Variants in SLBP observed in about 807,000 individuals in gnomAD.
The protein encoded by SLBP is stem-loop histone mRNA binding protein, also known as histone RNA hairpin-binding protein.
SLBP carries 29 observed loss-of-function variants against 39.2 expected under a neutral mutation model. That is an observed-to-expected ratio of 0.74 (90% confidence interval 0.55 to 1.01). The LOEUF is 1.01. SLBP is among the 50% of genes least tolerant of loss of function. SLBP has a pLI of 0.00. For synonymous variants in SLBP, 129 were observed against 118.7 expected, an observed-to-expected ratio of 1.09 and a Z score of -0.57; for missense variants, 390 against 350.2, an observed-to-expected ratio of 1.11 and a Z score of -0.91.
rs1385513425 is a variant in SLBP, at chr4:1,694,838, T to C, written c.632A>G (p.His211Arg). 2 of 1,612,010 alleles carry C rather than the reference T, an allele frequency of 1.2e-6. No homozygotes were observed. The highest frequency in any genetic ancestry group is 1.7e-6 in the Non-Finnish European group (2 of 1,178,198). ...AEEGCDLQEI[H>R]PVDLESAESS... ...TTCTGCAGATTCAAGGTCTACAGGGTGTCTGTTAAACAAGATCCAACATGT... is the reference window on the plus strand; with the variant it reads ...TTCTGCAGATTCAAGGTCTACAGGGCGTCTGTTAAACAAGATCCAACATGT... The change falls in exon 7 of 8, where the codon CAC (histidine) becomes CGC (arginine). Residue 211 changes from histidine (H) to arginine (R), a missense_variant and splice_region_variant. Coordinates refer to ENST00000489418, the MANE Select transcript of SLBP (RefSeq NM_006527.4).
At position 1,699,617 on chromosome 4, in the gene SLBP, G is replaced by C. The variant is rs760057143; in HGVS notation, c.426C>G (p.Ile142Met). The change falls in exon 5 of 8, where the codon ATC (isoleucine) becomes ATG (methionine). Residue 142 changes from isoleucine to methionine, a missense_variant. By Grantham distance (10) the Ile-to-Met change is conservative. Coordinates refer to ENST00000489418, the MANE Select transcript of SLBP (RefSeq NM_006527.4). ...ESVLMRRQKQ[I>M]NYGKNTIAYD... ...AGGCAATTGTGTTCTTCCCATAGTTGATCTGCTTCTGTCTCCTCATTAGGA... is the reference window on the plus strand; with the variant it reads ...AGGCAATTGTGTTCTTCCCATAGTTCATCTGCTTCTGTCTCCTCATTAGGA... 3.1e-6 allele frequency: 5 copies of C among 1,613,612 alleles called. No individual in the cohort carries two copies. Among genetic ancestry groups the C allele is most frequent in the Non-Finnish European group, 4.2e-6 (5 of 1,179,540 alleles).
Position 1,699,604 on chromosome 4 carries a change from T to A in SLBP, c.439A>T (p.Asn147Tyr). 1 of 1,613,958 alleles carries A rather than the reference T, an allele frequency of 6.2e-7. No individual in the cohort carries two copies. The highest frequency in any genetic ancestry group is 2.2e-5 in the East Asian group (1 of 44,878). ...ATATAACGATCGTAGGCAATTGTGTTCTTCCCATAGTTGATCTGCTTCTGT... is the reference window on the plus strand; with the variant it reads ...ATATAACGATCGTAGGCAATTGTGTACTTCCCATAGTTGATCTGCTTCTGT... ...RRQKQINYGK[N>Y]TIAYDRYIKE... Residue 147 changes from asparagine (N) to tyrosine (Y), a missense_variant, in exon 5 of 8, where the codon AAC becomes TAC. Physicochemically the swap from Asn to Tyr is moderately radical, Grantham distance 143. Coordinates refer to ENST00000489418, the MANE Select transcript of SLBP (RefSeq NM_006527.4).
chr4:1,703,704 CAA>C lies in SLBP; in HGVS notation c.177-6_177-5del. ...AGGGCCTTCAGGAGTGGTAAAGCTG[CAA>C]TAAAAGGAAAATGCTACTGAACCAT... On this transcript the variant is annotated splice_polypyrimidine_tract_variant and splice_region_variant and intron_variant, in intron 2 of 7. Coordinates refer to ENST00000489418, the MANE Select transcript of SLBP (RefSeq NM_006527.4). The C allele has an allele frequency of 1.3e-6, 2 of 1,589,662 alleles. No individual in the cohort carries two copies. The highest frequency in any genetic ancestry group is 1.7e-6 in the Non-Finnish European group (2 of 1,157,852).
intron 5 of SLBP, among the ~76,000 whole-genome samples, chr4:1,698,568 T>C (rs1176310997): frequency 2.1e-5 from 3 of 145,940 alleles, no homozygotes; most frequent in Non-Finnish European, 4.5e-5. Context: ...CACTGCAACC[T>C]CCTCCTCCCA....
At chr4:1,705,984 C>CA (rs1162470389) in intron 2 of SLBP, among the ~76,000 whole-genome samples, 1 of 152,024 alleles carries the variant, frequency 6.6e-6, no homozygotes, top group African/African-American at 2.4e-5. Context: ...GACCATATCT[C>CA]AAAAAAATAT....
At chr4:1,701,146 CTTTT>C (rs369039404) in intron 3 of SLBP, among the ~76,000 whole-genome samples, 5 of 123,670 alleles carry the variant, frequency 4.0e-5, no homozygotes, top group South Asian at 2.6e-4. Context: ...TCTTTTTTTT[CTTTT>C]TTTTTTTTTT....
intron 2 of SLBP, among the ~76,000 whole-genome samples, chr4:1,708,127 C>T (rs987309462): frequency 6.6e-6 from 1 of 150,608 alleles, no homozygotes; most frequent in Non-Finnish European, 1.5e-5. Context: ...GTGGCGCATG[C>T]CTGTAGTCCC....
At chr4:1,697,287 G>A (rs1716146217) in intron 5 of SLBP, among the ~76,000 whole-genome samples, 1 of 150,554 alleles carries the variant, frequency 6.6e-6, no homozygotes, top group Non-Finnish European at 1.5e-5. Context: ...GGCCAACAGG[G>A]TGAAACCCTG....
chr4:1,693,089 A>G lies in SLBP; in HGVS notation c.*508T>C, dbSNP rs698424. ...TAAAACTCATTAGTTTAATAGCTCAATTTAACAATGTCTGACTTCAGAATG... is the reference window on the plus strand; with the variant it reads ...TAAAACTCATTAGTTTAATAGCTCAGTTTAACAATGTCTGACTTCAGAATG... On this transcript the variant is annotated 3_prime_UTR_variant, in exon 8 of 8. Transcript: ENST00000489418. The G allele has an allele frequency of 0.021, 3,354 of 156,220 alleles. 57 individuals are homozygous for G. Among genetic ancestry groups the G allele is most frequent in the South Asian group, 0.067 (350 of 5,248 alleles). 9.7% of individuals were successfully genotyped at this position (156,220 alleles called of 1,614,324 possible).
At chr4:1,705,755 T>C (rs1716493149) in intron 2 of SLBP, among the ~76,000 whole-genome samples, 1 of 152,230 alleles carries the variant, frequency 6.6e-6, no homozygotes, top group African/African-American at 2.4e-5. Flanking sequence ...GTCTTTTTCA[T>C]GTGTGCTAAT....
chr4:1,699,629 T>G lies in SLBP; in HGVS notation c.414A>C (p.Arg138Ser). 6.2e-7 allele frequency: 1 copy of G among 1,613,554 alleles called. No individual in the cohort carries two copies. The highest frequency in any genetic ancestry group is 8.5e-7 in the Non-Finnish European group (1 of 1,179,468). Residue 138 changes from arginine (R) to serine (S), a missense_variant, in exon 5 of 8, where the codon AGA (arginine) becomes AGC (serine). Coordinates refer to ENST00000489418, the MANE Select transcript of SLBP (RefSeq NM_006527.4). ...FETDESVLMR[R>S]QKQINYGKNT... ...TCTTCCCATAGTTGATCTGCTTCTG[T>G]CTCCTCATTAGGACACTTTCATCTG... is the stretch of plus-strand genomic sequence containing the variant.
At chr4:1,698,132 C>T (rs1243085894) in intron 5 of SLBP, among the ~76,000 whole-genome samples, 1 of 151,654 alleles carries the variant, frequency 6.6e-6, no homozygotes, top group African/African-American at 2.4e-5. Flanking sequence ...GAGGCAGAGA[C>T]AGACGGATCA....
chr4:1,706,398 C>T (rs1456561207), intron 2 of SLBP, among the ~76,000 whole-genome samples: 1 of 152,194 alleles, frequency 6.6e-6, no homozygotes, highest in Non-Finnish European at 1.5e-5. Context: ...GAGTATATGT[C>T]AGAGTCCTTG....
chr4:1,697,963 T>C (rs1716177223), intron 5 of SLBP, among the ~76,000 whole-genome samples: 1 of 151,720 alleles, frequency 6.6e-6, no homozygotes, highest in Non-Finnish European at 1.5e-5. Context: ...CCCATCTCTA[T>C]AAAAATTTAA....
At chr4:1,694,385 T>C (rs1255522010) in intron 7 of SLBP, among the ~76,000 whole-genome samples, 1 of 135,224 alleles carries the variant, frequency 7.4e-6, no homozygotes. Context: ...GCGCAGCACA[T>C]GGTTTTCTTT....
Position 1,696,210 on chromosome 4 carries a change from C to A in SLBP, c.621G>T (p.Leu207Phe), listed in dbSNP as rs747321409. 2.5e-6 allele frequency: 4 copies of A among 1,588,826 alleles called. No individual in the cohort carries two copies. The highest frequency in any genetic ancestry group is 3.4e-6 in the Non-Finnish European group (4 of 1,170,504). Residue 207 changes from leucine (L) to phenylalanine (F), a missense_variant, in exon 6 of 8, where the codon TTG becomes TTT. Leu to Phe is a conservative substitution (Grantham distance 22). Coordinates refer to ENST00000489418, the MANE Select transcript of SLBP (RefSeq NM_006527.4). ...WDPPAEEGCDLQEIHPVDLES... is the reference protein window; with the variant it reads ...WDPPAEEGCDFQEIHPVDLES... ...ATGCAATAAAGACATACATTTCTTG[C>A]AAATCACATCCTTCTTCCGCTGGAG...
Position 1,699,718 on chromosome 4 carries a change from T to G in SLBP, c.342-17A>C. 1 of 1,611,954 alleles carries G rather than the reference T, an allele frequency of 6.2e-7. No homozygotes were observed. The highest frequency in any genetic ancestry group is 8.5e-7 in the Non-Finnish European group (1 of 1,178,714). ...GAATCAGAACTGAAAAAACAACAGA[T>G]TAACAGAATAAGCCCTGCAATTAAG... On this transcript the variant is annotated splice_polypyrimidine_tract_variant and intron_variant, in intron 4 of 7. Transcript: ENST00000489418.
intron 7 of SLBP, 45 bp downstream of exon 7, chr4:1,694,729 T>A: frequency 2.2e-6 from 3 of 1,371,194 alleles, no homozygotes; most frequent in Non-Finnish European, 3.1e-6. Context: ...TTATTAACAA[T>A]TCACCTGCAA....
intron 2 of SLBP, among the ~76,000 whole-genome samples, chr4:1,709,638 G>A (rs1017440273): frequency 3.4e-5 from 5 of 147,280 alleles, no homozygotes; most frequent in African/African-American, 1.3e-4. Context: ...TTGAGACGGA[G>A]TCTCGCTCTA....
Sources: gnomAD v4.1 joint callset for allele counts (sites outside exome capture counted in the v4.1 genomes callset) on GRCh38, gnomAD v4.1.1 for gene constraint, MANE v1.5 for transcripts, NCBI Gene and HGNC (gene_info 2026-07-23, HGNC 2026-07-21) for gene names.